Variants in NOVA1 observed in about 807,000 individuals in gnomAD.
NOVA1 encodes the protein RNA-binding protein Nova-1.
Under a neutral mutation model 38.0 loss-of-function variants are expected in NOVA1, and 7 were observed. That is an observed-to-expected ratio of 0.18 (90% CI 0.10 to 0.35). NOVA1 has a LOEUF of 0.35. NOVA1 is among the 10% of genes least tolerant of loss of function. The probability of loss-of-function intolerance (pLI) is 1.00; values close to 1 mark genes in which losing one functional copy is unlikely to be tolerated. For missense variants in NOVA1, 460 were observed against 616.0 expected (o/e 0.75, Z 2.68); for synonymous variants, 270 against 232.5 (o/e 1.16, Z -1.47).
At chr14:26,521,469 T>C (rs1888888946) in intron 2 of NOVA1, among the ~76,000 whole-genome samples, 1 of 152,128 alleles carries the variant, frequency 6.6e-6, no homozygotes, top group African/African-American at 2.4e-5. Context: ...TTGTGTTTTT[T>C]AACTGAGCAT....
intron 2 of NOVA1, among the ~76,000 whole-genome samples, chr14:26,551,159 G>A (rs1174852511): frequency 6.6e-6 from 1 of 151,980 alleles, no homozygotes; most frequent in Non-Finnish European, 1.5e-5. Context: ...CTCTCATGTA[G>A]TTTAAGAAAC....
chr14:26,465,369 C>T (rs1884027961), intron 4 of NOVA1, among the ~76,000 whole-genome samples: 1 of 152,078 alleles, frequency 6.6e-6, no homozygotes, highest in Non-Finnish European at 1.5e-5. Flanking sequence ...GAAGGTTTCA[C>T]CATGTTGGCC....
At chr14:26,577,527 T>C (rs185917811) in intron 2 of NOVA1, among the ~76,000 whole-genome samples, 3 of 152,140 alleles carry the variant, frequency 2.0e-5, no homozygotes, top group Non-Finnish European at 2.9e-5. Flanking sequence ...TGCCTACACA[T>C]AGCAGAGTGC....
At chr14:26,566,260 T>G (rs2138701313) in intron 2 of NOVA1, among the ~76,000 whole-genome samples, 1 of 152,264 alleles carries the variant, frequency 6.6e-6, no homozygotes, top group African/African-American at 2.4e-5. Flanking sequence ...TTAACAAAAC[T>G]AACTTATCAC....
chr14:26,588,572 G>A (rs919685213), intron 2 of NOVA1: 1 of 151,318 alleles, frequency 6.6e-6, no homozygotes, highest in Non-Finnish European at 1.5e-5. Context: ...TGTGAAACTT[G>A]GAAAATACTG....
chr14:26,472,263 A>C, intron 4 of NOVA1, 57 bp downstream of exon 4: 1 of 1,016,596 alleles, frequency 9.8e-7, no homozygotes, highest in South Asian at 1.3e-5. Flanking sequence ...CTTTTTCTCC[A>C]GTTTGCAGGC....
At chr14:26,504,548 G>A (rs1436466114) in intron 2 of NOVA1, among the ~76,000 whole-genome samples, 2 of 152,150 alleles carry the variant, frequency 1.3e-5, no homozygotes, top group Non-Finnish European at 2.9e-5. Flanking sequence ...TTCTGCTAAA[G>A]CAGGTAGTCC....
chr14:26,566,961 C>T (rs1485589740), intron 2 of NOVA1, among the ~76,000 whole-genome samples: 1 of 152,046 alleles, frequency 6.6e-6, no homozygotes, highest in Non-Finnish European at 1.5e-5. Flanking sequence ...GCTGGGAATA[C>T]CGTTAATATC....
intron 2 of NOVA1, among the ~76,000 whole-genome samples, chr14:26,503,833 G>C (rs1055526114): frequency 2.6e-5 from 4 of 152,004 alleles, no homozygotes; most frequent in African/African-American, 9.7e-5. Flanking sequence ...CATGGAAAGA[G>C]GTTCATGATG....
intron 2 of NOVA1, among the ~76,000 whole-genome samples, chr14:26,581,202 G>A (rs1484724425): frequency 6.6e-6 from 1 of 152,040 alleles, no homozygotes; most frequent in Non-Finnish European, 1.5e-5. Flanking sequence ...TGTATTCGTC[G>A]TACTTCCACA....
chr14:26,509,927 G>A (rs561368246), intron 2 of NOVA1, among the ~76,000 whole-genome samples: 3 of 152,188 alleles, frequency 2.0e-5, no homozygotes, highest in South Asian at 2.1e-4. Flanking sequence ...TGATATGCCC[G>A]CCTCAGCCTC....
intron 4 of NOVA1, among the ~76,000 whole-genome samples, chr14:26,467,161 G>T (rs1361890373): frequency 6.6e-6 from 1 of 152,210 alleles, no homozygotes. Flanking sequence ...AAAAATAAGA[G>T]AATAAACTAG....
chr14:26,587,753 T>C (rs1403603630), intron 2 of NOVA1, among the ~76,000 whole-genome samples: 8 of 151,256 alleles, frequency 5.3e-5, no homozygotes, highest in Non-Finnish European at 8.9e-5. Flanking sequence ...TTCTAAAATA[T>C]TTAGCAACAT....
intron 2 of NOVA1, among the ~76,000 whole-genome samples, chr14:26,520,623 ACT>A (rs1401928611): frequency 6.6e-6 from 1 of 152,062 alleles, no homozygotes; most frequent in African/African-American, 2.4e-5. Context: ...ATGTCAGGTG[ACT>A]CAAATTCTTT....
intron 3 of NOVA1, among the ~76,000 whole-genome samples, chr14:26,474,722 A>G (rs964945255): frequency 1.2e-4 from 18 of 152,112 alleles, no homozygotes; most frequent in African/African-American, 4.1e-4. Context: ...AATATATTTA[A>G]TAAACAAGTA....
intron 2 of NOVA1, among the ~76,000 whole-genome samples, chr14:26,544,904 C>T (rs780354855): frequency 8.6e-5 from 13 of 151,946 alleles, no homozygotes; most frequent in Non-Finnish European, 1.8e-4. Flanking sequence ...CTAATAAACC[C>T]GTTAGAGTGA....
chr14:26,573,363 C>T (rs900572931), intron 2 of NOVA1, among the ~76,000 whole-genome samples: 6 of 151,952 alleles, frequency 3.9e-5, no homozygotes, highest in African/African-American at 1.4e-4. Context: ...GTAGACTACC[C>T]TTTCAAAAAA....
At chr14:26,496,155 C>T (rs1217972443) in intron 2 of NOVA1, among the ~76,000 whole-genome samples, 1 of 150,610 alleles carries the variant, frequency 6.6e-6, no homozygotes, top group Non-Finnish European at 1.5e-5. Context: ...CTCTCCAGCA[C>T]CTGTTGTTTC....
At chr14:26,583,069 C>G (rs1893316404) in intron 2 of NOVA1, among the ~76,000 whole-genome samples, 1 of 151,636 alleles carries the variant, frequency 6.6e-6, no homozygotes, top group Admixed American at 6.6e-5. Context: ...TTTCCTTAAA[C>G]AGAATAGGTA....
Sources: allele counts gnomAD v4.1 joint callset (sites outside exome capture counted in the v4.1 genomes callset), GRCh38; gene constraint gnomAD v4.1.1; transcripts MANE v1.5; gene names NCBI Gene and HGNC (gene_info 2026-07-23, HGNC 2026-07-21).